Variants in NIPBL observed in about 807,000 individuals in gnomAD.
The protein encoded by NIPBL is nipped-B-like protein.
NIPBL carries 19 observed loss-of-function variants against 321.8 expected under a neutral mutation model. The observed-to-expected ratio is 0.06, with a 90% CI of 0.04 to 0.09. NIPBL has a LOEUF of 0.09. Ranked by LOEUF, NIPBL falls within the 10% of genes least tolerant of loss-of-function variation. The pLI, the probability that NIPBL is intolerant of heterozygous loss-of-function variation, is 1.00. For missense variants in NIPBL, 2,210 were observed against 3,327.0 expected, an observed-to-expected ratio of 0.66 and a Z score of 8.26; for synonymous variants, 1,106 against 1,114.1, an observed-to-expected ratio of 0.99 and a Z score of 0.14.
intron 21 of NIPBL, among the ~76,000 whole-genome samples, chr5:37,012,456 ATTTTTTTT>A (rs763144789): frequency 9.3e-6 from 1 of 107,210 alleles, no homozygotes. Flanking sequence ...TCTTTCTCCA[ATTTTTTTT>A]TTTTTTTTTT....
Position 36,961,599 on chromosome 5 carries a change from AT to A in NIPBL, c.458+17del, listed in dbSNP as rs767864179. 1.7e-5 allele frequency: 23 copies of A among 1,389,596 alleles called. No individual in the cohort carries two copies. The African/African-American group carries it at 2.3e-4, about 14-fold the overall frequency. 86.1% of individuals were successfully genotyped at this position (1,389,596 alleles called of 1,614,324 possible). ...GCCCCTCCAGGTAATATATGTATAT[AT>A]CGTTTATTAAATATTGTCTTGTATG... On this transcript the variant is annotated intron_variant, in intron 5 of 46. Transcript: ENST00000282516.
chr5:37,060,736 CATG>C, intron 44 of NIPBL, 105 bp from the exon 45 acceptor site: 1 of 902,362 alleles, frequency 1.1e-6, no homozygotes. Flanking sequence ...TAAAAATAGA[CATG>C]AGAAACTAAT....
intron 1 of NIPBL, among the ~76,000 whole-genome samples, chr5:36,931,328 A>AT (rs1277517901): frequency 1.3e-5 from 2 of 149,564 alleles, no homozygotes; most frequent in Admixed American, 6.7e-5. Flanking sequence ...TTCTTTTTTT[A>AT]TTTTTTTGAA....
At chr5:36,935,512 C>A (rs924363610) in intron 1 of NIPBL, among the ~76,000 whole-genome samples, 1 of 152,124 alleles carries the variant, frequency 6.6e-6, no homozygotes, top group Admixed American at 6.6e-5. Context: ...GTATTGAGGG[C>A]TCTCTTCGTT....
chr5:37,014,837 T>G lies in NIPBL; in HGVS notation c.4643+72T>G. 4.4e-6 allele frequency: 4 copies of G among 901,420 alleles called. No individual in the cohort carries two copies. In the Admixed American group the frequency reaches 6.9e-5, roughly 16 times the overall value. The allele number at this position is 901,420 out of a possible 1,614,324, so 55.8% of individuals were successfully genotyped here. A position where few individuals can be genotyped will look rare whatever the true frequency, so the allele number is the denominator to read the frequency against. On this transcript the variant is annotated intron_variant, in intron 22 of 46. Coordinates refer to ENST00000282516, the MANE Select transcript of NIPBL (RefSeq NM_133433.4). Reference sequence around the variant, plus strand: ...AGAATAGTTCATTTTTTTAAAAAGATGAATCCAATTTCCTGCCATAATCTG... The same window carrying G: ...AGAATAGTTCATTTTTTTAAAAAGAGGAATCCAATTTCCTGCCATAATCTG...
chr5:37,059,803 C>T (rs1197110863), intron 44 of NIPBL, among the ~76,000 whole-genome samples: 1 of 152,120 alleles, frequency 6.6e-6, no homozygotes, highest in African/African-American at 2.4e-5. Flanking sequence ...TGTAAACCAA[C>T]TAAACAGAGC....
rs1731328009 is a variant in NIPBL, at chr5:37,065,083, G to T, written c.*191G>T. ...CCTTCGCTGTTGTGCAGCAGAAACAGATTCTCAGTTCATTTTTACTCCCAC... is the reference window on the plus strand; with the variant it reads ...CCTTCGCTGTTGTGCAGCAGAAACATATTCTCAGTTCATTTTTACTCCCAC... On this transcript the variant is annotated 3_prime_UTR_variant, in exon 47 of 47. Transcript: ENST00000282516. 4.7e-6 allele frequency: 3 copies of T among 644,778 alleles called. No homozygotes were observed. Among genetic ancestry groups the T allele is most frequent in the Non-Finnish European group, 8.0e-6 (3 of 376,982 alleles). The allele number at this position is 644,778 out of a possible 1,614,324, so 39.9% of individuals were successfully genotyped here.
intron 33 of NIPBL, among the ~76,000 whole-genome samples, chr5:37,037,121 C>T (rs1419327094): frequency 6.6e-6 from 1 of 151,584 alleles, no homozygotes; most frequent in African/African-American, 2.4e-5. Context: ...GGCGTGGTGG[C>T]TCACACCTGT....
chr5:37,038,611 A>G lies in NIPBL; in HGVS notation c.5981A>G (p.Asn1994Ser), dbSNP rs368028754. The stretch of plus-strand genomic sequence containing the variant: ...CTGTTTGTTTTTCCAGACTCTGACA[A>G]TAAAGGTGTGAATTCTGGAAGATTG... ...KYEESLADSD[N>S]KGVNSGRLVA... Residue 1994 changes from asparagine (N) to serine (S), a missense_variant, in exon 34 of 47, where the codon AAT becomes AGT. Asn to Ser is a conservative substitution (Grantham distance 46). This residue lies in a region of NIPBL where 69 missense variants were observed against 100.8 expected (regional missense o/e 0.68). Transcript: ENST00000282516. The G allele has an allele frequency of 1.8e-4, 293 of 1,613,644 alleles. No homozygotes were observed. The highest frequency in any genetic ancestry group is 2.4e-4 in the Non-Finnish European group (282 of 1,179,788).
Position 36,876,849 on chromosome 5 carries a change from C to CGGGGGGGGTGGGGGGG in NIPBL, c.-408_-407insGGGGGGGTGGGGGGGG. 1 of 383,212 alleles carries CGGGGGGGGTGGGGGGG rather than the reference C, an allele frequency of 2.6e-6. No individual in the cohort carries two copies. The highest frequency in any genetic ancestry group is 4.6e-6 in the Non-Finnish European group (1 of 218,500). 23.7% of individuals were successfully genotyped at this position (383,212 alleles called of 1,614,324 possible). ...CCCCCCGCCCTCCCCCCCCTCCCTC[C>CGGGGGGGGTGGGGGGG]GTCGGTACCGACTCACCCGACACCA... On this transcript the variant is annotated 5_prime_UTR_variant, in exon 1 of 47. Coordinates refer to ENST00000282516, the MANE Select transcript of NIPBL (RefSeq NM_133433.4).
At chr5:37,007,544 C>T in intron 18 of NIPBL, 70 bp downstream of exon 18, 2 of 1,084,340 alleles carry the variant, frequency 1.8e-6, no homozygotes, top group East Asian at 5.0e-5. Context: ...ACCTAGCTCA[C>T]TCAATAATAA....
At chr5:37,016,220 T>TC (rs1419565544) in intron 23 of NIPBL, 50 bp downstream of exon 23, 1 of 1,553,646 alleles carries the variant, frequency 6.4e-7, no homozygotes. Flanking sequence ...GACAACATAA[T>TC]GAGGATGTAC....
intron 22 of NIPBL, 116 bp downstream of exon 22, chr5:37,014,881 C>G: frequency 1.4e-6 from 1 of 697,828 alleles, no homozygotes; most frequent in Non-Finnish European, 2.6e-6. Context: ...ATACATCTTC[C>G]TGACACTTGG....
intron 8 of NIPBL, among the ~76,000 whole-genome samples, chr5:36,973,373 G>A (rs1743087731): frequency 6.7e-6 from 1 of 148,990 alleles, no homozygotes; most frequent in African/African-American, 2.5e-5. Context: ...TTTACTTTAA[G>A]TTCTGGGATA....
intron 1 of NIPBL, among the ~76,000 whole-genome samples, chr5:36,923,731 A>G (rs533553458): frequency 2.0e-5 from 3 of 152,342 alleles, no homozygotes; most frequent in Admixed American, 1.3e-4. Context: ...ACTGATTGAT[A>G]TAAATGAGAC....
intron 1 of NIPBL, among the ~76,000 whole-genome samples, chr5:36,946,758 A>G (rs1177768486): frequency 6.6e-6 from 1 of 152,132 alleles, no homozygotes; most frequent in Admixed American, 6.6e-5. Context: ...AGTTTAAAGA[A>G]TACTGACCTA....
chr5:36,886,301 T>C, intron 1 of NIPBL: 3 of 679,226 alleles, frequency 4.4e-6, no homozygotes, highest in Non-Finnish European at 8.1e-6. Flanking sequence ...TACGAGACCA[T>C]GCTGAACATC....
chr5:36,920,064 A>G (rs1244257357), intron 1 of NIPBL, among the ~76,000 whole-genome samples: 1 of 152,188 alleles, frequency 6.6e-6, no homozygotes, highest in Non-Finnish European at 1.5e-5. Context: ...TTTTGAAGCT[A>G]TTACAGTAGG....
At chr5:36,961,650 T>C (rs1029544177) in intron 5 of NIPBL, 67 bp downstream of exon 5, 2 of 984,426 alleles carry the variant, frequency 2.0e-6, no homozygotes, top group Non-Finnish European at 3.3e-6. Context: ...GAATATATGG[T>C]TCATACATTT....
Sources: gnomAD v4.1 joint callset for allele counts (sites outside exome capture counted in the v4.1 genomes callset) on GRCh38, gnomAD v4.1.1 for gene constraint, gnomAD v4.1.1 regional missense constraint, MANE v1.5 for transcripts, NCBI Gene and HGNC (gene_info 2026-07-23, HGNC 2026-07-21) for gene names.